Variants in PHLDB2 observed in about 807,000 individuals in gnomAD.
PHLDB2 encodes pleckstrin homology like domain family B member 2.
In PHLDB2, 71 loss-of-function variants were observed where a neutral mutation model predicts 123.6. The ratio of observed to expected loss-of-function variants is 0.57; its 90% CI spans 0.47 to 0.70. The LOEUF (loss-of-function observed/expected upper bound fraction) is 0.70. PHLDB2 is among the 30% of genes least tolerant of loss of function. The probability of loss-of-function intolerance (pLI) is 0.00; values close to 1 mark genes in which losing one functional copy is unlikely to be tolerated. For missense variants in PHLDB2, 1,446 were observed against 1,519.5 expected (o/e 0.95, Z 0.80); for synonymous variants, 547 against 541.6 (o/e 1.01, Z -0.14).
At chr3:111,837,018 T>C (rs2063440992) in intron 1 of PHLDB2, among the ~76,000 whole-genome samples, 2 of 152,208 alleles carry the variant, frequency 1.3e-5, no homozygotes, top group African/African-American at 4.8e-5. Context: ...GTGTCTGTAA[T>C]ACCTGCTTCA....
At chr3:111,911,768 C>G (rs1359566991) in intron 2 of PHLDB2, 4 of 1,488,336 alleles carry the variant, frequency 2.7e-6, no homozygotes, top group Non-Finnish European at 3.6e-6. Context: ...TTTGATCAAG[C>G]TATTGCTCTT....
intron 1 of PHLDB2, among the ~76,000 whole-genome samples, chr3:111,832,521 C>G (rs1340289009): frequency 6.7e-6 from 1 of 149,942 alleles, no homozygotes; most frequent in Non-Finnish European, 1.5e-5. Context: ...TTTTCCGACA[C>G]TTAGGCTTTT....
intron 16 of PHLDB2, among the ~76,000 whole-genome samples, chr3:111,971,750 G>T (rs1254835845): frequency 6.6e-6 from 1 of 152,132 alleles, no homozygotes; most frequent in African/African-American, 2.4e-5. Flanking sequence ...TGTCCCTTCT[G>T]TCTGTCAGTG....
At chr3:111,915,308 G>A (rs1468787983) in intron 3 of PHLDB2, 1 of 152,186 alleles carries the variant, frequency 6.6e-6, no homozygotes, top group Non-Finnish European at 1.5e-5. Context: ...TTTAGCTACA[G>A]CAAGACTTTT....
chr3:111,805,670 C>G (rs1165312313), intron 1 of PHLDB2, among the ~76,000 whole-genome samples: 1 of 149,468 alleles, frequency 6.7e-6, no homozygotes, highest in Non-Finnish European at 1.5e-5. Flanking sequence ...CTGTCTGATT[C>G]CATTTTTATG....
chr3:111,876,863 T>G (rs2107287098), intron 1 of PHLDB2, among the ~76,000 whole-genome samples: 1 of 152,306 alleles, frequency 6.6e-6, no homozygotes, highest in Middle Eastern at 3.4e-3. Context: ...GAATTATGGT[T>G]TCCAGCATCA....
chr3:111,745,387 A>T (rs1476203448), intron 1 of PHLDB2, among the ~76,000 whole-genome samples: 1 of 152,222 alleles, frequency 6.6e-6, no homozygotes, highest in Non-Finnish European at 1.5e-5. Flanking sequence ...TGCATGTGTT[A>T]TTTCAATCCG....
intron 6 of PHLDB2, among the ~76,000 whole-genome samples, chr3:111,936,593 T>TATA (rs1177441831): frequency 6.6e-6 from 1 of 152,202 alleles, no homozygotes; most frequent in Non-Finnish European, 1.5e-5. Flanking sequence ...CTTTCTTACT[T>TATA]AGTATGCCAT....
At chr3:111,737,291 G>T (rs1031932138) in intron 1 of PHLDB2, among the ~76,000 whole-genome samples, 1 of 152,174 alleles carries the variant, frequency 6.6e-6, no homozygotes, top group Non-Finnish European at 1.5e-5. Flanking sequence ...CATCCCATGC[G>T]ACAGTCATGT....
chr3:111,796,603 G>A (rs376967763), intron 1 of PHLDB2, among the ~76,000 whole-genome samples: 2 of 152,038 alleles, frequency 1.3e-5, no homozygotes, highest in East Asian at 1.9e-4. Flanking sequence ...GCATGATCTT[G>A]GCTCACTGCA....
At chr3:111,835,734 T>A (rs2063366170) in intron 1 of PHLDB2, among the ~76,000 whole-genome samples, 1 of 152,138 alleles carries the variant, frequency 6.6e-6, no homozygotes, top group Non-Finnish European at 1.5e-5. Context: ...TGTCTGGAGG[T>A]TGGTGCTTGC....
At chr3:111,968,458 AT>A (rs2071948034) in intron 15 of PHLDB2, among the ~76,000 whole-genome samples, 1 of 152,200 alleles carries the variant, frequency 6.6e-6, no homozygotes, top group Non-Finnish European at 1.5e-5. Context: ...TCATCATAGA[AT>A]TTGAATCTCT....
chr3:111,750,947 CAAAA>C (rs34859598), intron 1 of PHLDB2, among the ~76,000 whole-genome samples: 1,197 of 117,724 alleles, frequency 0.01, 18 homozygotes, highest in African/African-American at 0.032. Flanking sequence ...AACTCTGTCT[CAAAA>C]AAAAAAAAAA....
intron 2 of PHLDB2, among the ~76,000 whole-genome samples, chr3:111,912,596 G>GA (rs1031103857): frequency 3.2e-4 from 49 of 150,956 alleles, no homozygotes; most frequent in Non-Finnish European, 1.0e-4. Context: ...AAATTTTCAA[G>GA]AAAAAAAAAT....
chr3:111,865,156 T>C (rs764285678), intron 1 of PHLDB2, among the ~76,000 whole-genome samples: 1 of 152,240 alleles, frequency 6.6e-6, no homozygotes, highest in African/African-American at 2.4e-5. Context: ...AGAAGTGATG[T>C]CTGGCTGCCT....
intron 1 of PHLDB2, among the ~76,000 whole-genome samples, chr3:111,826,311 GA>G (rs11350925): frequency 0.035 from 5,257 of 149,366 alleles, 125 homozygotes; most frequent in Admixed American, 0.079. Context: ...TTTGTCTCAA[GA>G]AAAAAAAAAT....
At chr3:111,887,572 A>G (rs1577000280) in intron 2 of PHLDB2, among the ~76,000 whole-genome samples, 1 of 152,354 alleles carries the variant, frequency 6.6e-6, no homozygotes, top group South Asian at 2.1e-4. Flanking sequence ...AGTTAGCTGA[A>G]TAGAGGATTA....
chr3:111,913,253 CTT>C, intron 2 of PHLDB2, 64 bp from the exon 3 acceptor site: 1 of 1,488,040 alleles, frequency 6.7e-7, no homozygotes, highest in Admixed American at 2.3e-5. Context: ...CCTCTTCAGT[CTT>C]TTTATTTGGA....
chr3:111,835,362 C>T (rs1403610094), intron 1 of PHLDB2, among the ~76,000 whole-genome samples: 1 of 152,086 alleles, frequency 6.6e-6, no homozygotes, highest in Non-Finnish European at 1.5e-5. Context: ...ATACTACATG[C>T]AAAGTACTTT....
Sources: allele counts gnomAD v4.1 joint callset (sites outside exome capture counted in the v4.1 genomes callset), GRCh38; gene constraint gnomAD v4.1.1; transcripts MANE v1.5; gene names NCBI Gene and HGNC (gene_info 2026-07-23, HGNC 2026-07-21).